Variants in PKHD1 observed in about 807,000 individuals in gnomAD.
The protein encoded by PKHD1 is fibrocystin.
A neutral mutation model predicts 412.0 loss-of-function variants in PKHD1; 291 were observed. The observed-to-expected ratio is 0.71, with a 90% CI of 0.64 to 0.78. The LOEUF (loss-of-function observed/expected upper bound fraction) is 0.78. Among genes scored for constraint, PKHD1 ranks in the 30% least tolerant of loss-of-function variants. PKHD1 has a pLI of 0.00. For missense variants in PKHD1, 4,825 were observed against 4,950.7 expected (o/e 0.97, Z 0.76); for synonymous variants, 1,777 against 1,821.5 (o/e 0.98, Z 0.62).
At chr6:51,793,810 T>C (rs1241769523) in intron 52 of PKHD1, among the ~76,000 whole-genome samples, 1 of 152,220 alleles carries the variant, frequency 6.6e-6, no homozygotes, top group Non-Finnish European at 1.5e-5. Flanking sequence ...TCTTTGCTAT[T>C]GTGAATAGTG....
At chr6:51,680,988 A>T (rs1429847071) in intron 60 of PKHD1, among the ~76,000 whole-genome samples, 1 of 152,034 alleles carries the variant, frequency 6.6e-6, no homozygotes, top group Non-Finnish European at 1.5e-5. Flanking sequence ...GGGGTTAAGG[A>T]TTGACAGAAA....
chr6:52,072,234 G>T (rs1470447520), intron 7 of PKHD1, 45 bp from the exon 8 acceptor site: 2 of 1,146,920 alleles, frequency 1.7e-6, no homozygotes, highest in South Asian at 1.2e-5. Flanking sequence ...AGATAATTGT[G>T]CAATACTCCC....
At chr6:51,722,168 C>A in intron 60 of PKHD1, 1 of 1,360,036 alleles carries the variant, frequency 7.4e-7, no homozygotes, top group East Asian at 2.5e-5. Flanking sequence ...TACTCATGCC[C>A]GCCCTCAGTG....
At position 51,992,315 on chromosome 6, in the gene PKHD1, C is replaced by G. The variant is rs573480441; in HGVS notation, c.5751+17994G>C. ...TGGCATCATAGCAAGTATTGAATAC[C>G]CTAATATGTTTTTCTTTCCATTTTT... On this transcript the variant is annotated intron_variant, in intron 35 of 66. Transcript: ENST00000371117. Among the ~76,000 whole-genome samples, 9 of 152,172 alleles carry G rather than the reference C, an allele frequency of 5.9e-5. No individual in the cohort carries two copies. The East Asian group carries it at 1.7e-3, about 29-fold the overall frequency.
chr6:51,900,057 A>C (rs950388886), intron 43 of PKHD1, among the ~76,000 whole-genome samples: 1 of 152,228 alleles, frequency 6.6e-6, no homozygotes, highest in African/African-American at 2.4e-5. Context: ...GCTCATGGGT[A>C]GGAAGAATCA....
chr6:51,645,214 G>A (rs777066562), intron 63 of PKHD1, among the ~76,000 whole-genome samples: 2 of 151,968 alleles, frequency 1.3e-5, no homozygotes, highest in Non-Finnish European at 2.9e-5. Context: ...CTAGAAAGAA[G>A]AATTTGCAAA....
rs139112938 is a variant in PKHD1, at chr6:51,619,456, C to T, written c.11850G>A (p.Val3950=). ...NQCPHQLMNG[V]SRRKVSRHIV... ...TGTGGCGGCTAACTTTCCTTCTGGA[C>T]ACTCCATTCATCAACTGGTGGGGGC... Residue 3950 remains valine (V), a synonymous_variant, in exon 67 of 67, where the codon GTG becomes GTA. Transcript: ENST00000371117. The T allele has an allele frequency of 1.9e-6, 3 of 1,613,896 alleles. No homozygotes were observed. Among genetic ancestry groups the T allele is most frequent in the Non-Finnish European group, 2.5e-6 (3 of 1,179,916 alleles).
chr6:52,044,117 C>T, intron 25 of PKHD1, among the ~76,000 whole-genome samples: 1 of 152,170 alleles, frequency 6.6e-6, no homozygotes, highest in East Asian at 1.9e-4. Flanking sequence ...AAATTTGGTG[C>T]ATTCCTTCCA....
chr6:51,766,975 T>C (rs939627092), intron 55 of PKHD1, among the ~76,000 whole-genome samples: 1 of 152,108 alleles, frequency 6.6e-6, no homozygotes, highest in Admixed American at 6.6e-5. Flanking sequence ...CTTCAAATAA[T>C]TTTATGGTTT....
At chr6:51,913,051 G>A (rs191966231) in intron 37 of PKHD1, among the ~76,000 whole-genome samples, 29 of 152,158 alleles carry the variant, frequency 1.9e-4, no homozygotes, top group Admixed American at 1.4e-3. Context: ...TAGACCCTAA[G>A]GGTATGTTAG....
At chr6:51,889,016 T>C (rs568446580) in intron 43 of PKHD1, among the ~76,000 whole-genome samples, 1 of 152,086 alleles carries the variant, frequency 6.6e-6, no homozygotes, top group South Asian at 2.1e-4. Flanking sequence ...AAGATGCCCA[T>C]GTCTACCTGG....
At chr6:51,959,834 A>G in intron 36 of PKHD1, 36 bp downstream of exon 36, 1 of 1,575,358 alleles carries the variant, frequency 6.3e-7, no homozygotes, top group Non-Finnish European at 8.7e-7. Flanking sequence ...ATATAATCAT[A>G]TAGAATAATA....
chr6:51,928,432 G>T (rs929494721), intron 37 of PKHD1, among the ~76,000 whole-genome samples: 1 of 152,074 alleles, frequency 6.6e-6, no homozygotes. Flanking sequence ...AAATTGTGTC[G>T]GTTGCATTTG....
chr6:51,771,796 C>T (rs1790184725), intron 55 of PKHD1, among the ~76,000 whole-genome samples: 1 of 152,034 alleles, frequency 6.6e-6, no homozygotes, highest in Non-Finnish European at 1.5e-5. Context: ...TCCACATGAG[C>T]GTCTTAGCAG....
chr6:52,030,380 T>C (rs1158411249), intron 29 of PKHD1, among the ~76,000 whole-genome samples: 1 of 152,156 alleles, frequency 6.6e-6, no homozygotes, highest in Non-Finnish European at 1.5e-5. Context: ...TGGCATGATA[T>C]AGCACACAAA....
At chr6:51,727,955 A>G (rs1782781905) in intron 60 of PKHD1, among the ~76,000 whole-genome samples, 1 of 152,128 alleles carries the variant, frequency 6.6e-6, no homozygotes, top group Non-Finnish European at 1.5e-5. Flanking sequence ...AACAACCTAT[A>G]ACACATCTAT....
intron 60 of PKHD1, among the ~76,000 whole-genome samples, chr6:51,695,459 GGAGGAAGAAGAA>G (rs1306982999): frequency 6.6e-6 from 1 of 152,052 alleles, no homozygotes; most frequent in Non-Finnish European, 1.5e-5. Context: ...AGGAAGAAGA[GGAGGAAGAAGAA>G]GAGGAAGGAG....
rs12661009 is a variant in PKHD1 at position 51,649,407 on chromosome 6, T to C, written c.11175-187A>G. On this transcript the variant is annotated intron_variant, in intron 61 of 66. Coordinates refer to ENST00000371117, the MANE Select transcript of PKHD1 (RefSeq NM_138694.4). ...AATTGTGTATGTATTTGATATGTTT[T>C]CTTAGCTATAATGAAAATGGACTAG... 0.27 allele frequency among the ~76,000 whole-genome samples: 40,928 copies of C among 152,058 alleles called. 6,176 individuals carry two copies. The highest frequency in any genetic ancestry group is 0.4 in the African/African-American group (16,716 of 41,480).
In PKHD1 at chr6:51,830,908, T is replaced by A; in HGVS notation, c.8255A>T (p.Tyr2752Phe). The change falls in exon 52 of 67, where the codon TAC becomes TTC. Residue 2752 changes from tyrosine to phenylalanine, a missense_variant. Coordinates refer to ENST00000371117, the MANE Select transcript of PKHD1 (RefSeq NM_138694.4). ...WQGVEEGWGG[Y>F]NNTIPGPGDD... is the part of the protein sequence containing the mutation. ...CCCAGGGCCTGGAATGGTATTGTTG[T>A]ATCCTCCCCAGCCTTCTTCAACACC... 6.2e-7 allele frequency: 1 copy of A among 1,612,822 alleles called. No homozygotes were observed. Among genetic ancestry groups the A allele is most frequent in the Non-Finnish European group, 8.5e-7 (1 of 1,179,034 alleles).
Sources: gnomAD v4.1 joint callset for allele counts (sites outside exome capture counted in the v4.1 genomes callset) on GRCh38, gnomAD v4.1.1 for gene constraint, MANE v1.5 for transcripts, NCBI Gene and HGNC (gene_info 2026-07-23, HGNC 2026-07-21) for gene names.